The following SH3RF1 variants were observed in gnomAD, a reference collection of about 807,000 sequenced individuals.
SH3RF1 encodes the protein SH3 domain containing ring finger 1, also known as E3 ubiquitin-protein ligase SH3RF1.
SH3RF1 carries 32 observed loss-of-function variants against 74.0 expected under a neutral mutation model. The observed-to-expected ratio is 0.43, with a 90% CI of 0.33 to 0.58. SH3RF1 has a LOEUF of 0.58. SH3RF1 is among the 20% of genes least tolerant of loss of function. The pLI is 0.05. For missense variants in SH3RF1, 954 were observed against 1,130.9 expected, an observed-to-expected ratio of 0.84 and a Z score of 2.24; for synonymous variants, 396 against 439.6, an observed-to-expected ratio of 0.90 and a Z score of 1.24.
At chr4:169,101,394 T>G (rs552248192) in intron 11 of SH3RF1, among the ~76,000 whole-genome samples, 1 of 152,242 alleles carries the variant, frequency 6.6e-6, no homozygotes, top group Admixed American at 6.5e-5. Context: ...ATTCCACTTA[T>G]GAGATGCCCA....
intron 4 of SH3RF1, among the ~76,000 whole-genome samples, chr4:169,149,190 G>C (rs1733937917): frequency 6.6e-6 from 1 of 152,078 alleles, no homozygotes; most frequent in African/African-American, 2.4e-5. Flanking sequence ...TCTTAAATTA[G>C]AAAGAAGCCT....
chr4:169,247,198 G>C (rs1245703876), intron 2 of SH3RF1, among the ~76,000 whole-genome samples: 1 of 152,212 alleles, frequency 6.6e-6, no homozygotes, highest in Non-Finnish European at 1.5e-5. Flanking sequence ...AGAGGGTCAA[G>C]AAGAGGCAAA....
In SH3RF1 at chr4:169,198,290, C is replaced by T. The variant is rs115234773; in HGVS notation, c.394-41611G>A. Among the ~76,000 whole-genome samples, 1,013 of 152,280 alleles carry T rather than the reference C, an allele frequency of 6.7e-3. 8 individuals are homozygous for T. The highest frequency in any genetic ancestry group is 0.023 in the African/African-American group (970 of 41,564). The stretch of plus-strand genomic sequence containing the variant: ...TCTTAGCATACTGGCACAATGAATA[C>T]TTTTAACATCCCCAGTTATATTAAT... On this transcript the variant is annotated intron_variant, in intron 2 of 11. Coordinates refer to ENST00000284637, the MANE Select transcript of SH3RF1 (RefSeq NM_020870.4).
chr4:169,177,102 T>C (rs1156248235), intron 2 of SH3RF1, among the ~76,000 whole-genome samples: 2 of 152,230 alleles, frequency 1.3e-5, no homozygotes, highest in Non-Finnish European at 2.9e-5. Flanking sequence ...TTCAAAGCAC[T>C]GTTGGTTACT....
chr4:169,107,087 A>G lies in SH3RF1; in HGVS notation c.2258T>C (p.Leu753Pro). 1 of 1,613,978 alleles carries G rather than the reference A, an allele frequency of 6.2e-7. No individual in the cohort carries two copies. The highest frequency in any genetic ancestry group is 2.2e-5 in the East Asian group (1 of 44,882). Reference sequence around the variant, plus strand: ...CAGTTCGGGCCCCACCGCTCCCTGGAGAGGAAGCTCTGCACTGCCCAGCTC... The same window carrying G: ...CAGTTCGGGCCCCACCGCTCCCTGGGGAGGAAGCTCTGCACTGCCCAGCTC... ...EVELGSAELP[L>P]QGAVGPELPP... The change falls in exon 11 of 12, where the codon CTC (leucine) becomes CCC (proline). Residue 753 changes from leucine to proline, a missense_variant. Leu to Pro is a moderately conservative substitution (Grantham distance 98, BLOSUM62 -3). Coordinates refer to ENST00000284637, the MANE Select transcript of SH3RF1 (RefSeq NM_020870.4).
chr4:169,190,035 G>A (rs539077731), intron 2 of SH3RF1, among the ~76,000 whole-genome samples: 1 of 152,246 alleles, frequency 6.6e-6, no homozygotes, highest in South Asian at 2.1e-4. Flanking sequence ...AGTGACAATA[G>A]TGACACAAAC....
intron 2 of SH3RF1, among the ~76,000 whole-genome samples, chr4:169,173,581 T>A (rs1734366645): frequency 6.6e-6 from 1 of 152,188 alleles, no homozygotes; most frequent in Non-Finnish European, 1.5e-5. Context: ...AGTGTTTGTG[T>A]CTGAGGAGCT....
intron 4 of SH3RF1, among the ~76,000 whole-genome samples, chr4:169,142,686 A>G (rs1449533953): frequency 6.6e-6 from 1 of 152,262 alleles, no homozygotes; most frequent in African/African-American, 2.4e-5. Flanking sequence ...ATTCTACTGC[A>G]TCACTAAGTC....
At chr4:169,173,566 C>T (rs1734366460) in intron 2 of SH3RF1, among the ~76,000 whole-genome samples, 1 of 152,130 alleles carries the variant, frequency 6.6e-6, no homozygotes, top group African/African-American at 2.4e-5. Context: ...TATGATTTCA[C>T]CTTAAGTGTT....
intron 4 of SH3RF1, among the ~76,000 whole-genome samples, chr4:169,154,183 G>A (rs1174804764): frequency 6.6e-6 from 1 of 152,080 alleles, no homozygotes; most frequent in Admixed American, 6.6e-5. Context: ...TGAGTTAAGG[G>A]TTGTTTGGTT....
chr4:169,125,210 A>C (rs79448154), intron 6 of SH3RF1, among the ~76,000 whole-genome samples: 1 of 152,294 alleles, frequency 6.6e-6, no homozygotes, highest in African/African-American at 2.4e-5. Context: ...TCAAAAAAAA[A>C]CATAGATTCC....
At chr4:169,145,121 A>T (rs952359564) in intron 4 of SH3RF1, among the ~76,000 whole-genome samples, 3 of 152,216 alleles carry the variant, frequency 2.0e-5, no homozygotes, top group African/African-American at 7.2e-5. Context: ...TACTAAAAAG[A>T]AACCTGTACT....
At chr4:169,136,056 A>G (rs964202619) in intron 5 of SH3RF1, among the ~76,000 whole-genome samples, 4 of 152,186 alleles carry the variant, frequency 2.6e-5, no homozygotes, top group Non-Finnish European at 5.9e-5. Flanking sequence ...GAAACTGGTA[A>G]GTATTATATA....
intron 2 of SH3RF1, among the ~76,000 whole-genome samples, chr4:169,171,180 C>A (rs1405249171): frequency 1.3e-5 from 2 of 152,202 alleles, no homozygotes; most frequent in East Asian, 3.8e-4. Context: ...ATGAGGCAAA[C>A]ACCACGGTGT....
At chr4:169,172,671 C>T (rs993739810) in intron 2 of SH3RF1, among the ~76,000 whole-genome samples, 1 of 152,070 alleles carries the variant, frequency 6.6e-6, no homozygotes, top group South Asian at 2.1e-4. Flanking sequence ...TGAGGGATGC[C>T]TAGATGGTTG....
intron 2 of SH3RF1, among the ~76,000 whole-genome samples, chr4:169,237,476 A>G (rs1421513987): frequency 6.6e-6 from 1 of 152,124 alleles, no homozygotes; most frequent in Non-Finnish European, 1.5e-5. Flanking sequence ...CCCCATCTCT[A>G]TTTTTAATTT....
intron 2 of SH3RF1, among the ~76,000 whole-genome samples, chr4:169,249,009 C>G (rs1361005538): frequency 6.6e-6 from 1 of 152,130 alleles, no homozygotes; most frequent in East Asian, 1.9e-4. Context: ...GGGCAGATCA[C>G]GAGGTCAGGA....
chr4:169,189,734 T>G (rs1561048386), intron 2 of SH3RF1, among the ~76,000 whole-genome samples: 1 of 152,186 alleles, frequency 6.6e-6, no homozygotes. Flanking sequence ...TTGGGCAAGT[T>G]GCTCGAATCC....
intron 8 of SH3RF1, among the ~76,000 whole-genome samples, chr4:169,118,428 C>G (rs1733379021): frequency 6.6e-6 from 1 of 151,984 alleles, no homozygotes; most frequent in African/African-American, 2.4e-5. Flanking sequence ...ATGCTTTGGC[C>G]CTTGATTACA....
Sources: gnomAD v4.1 joint callset for allele counts (sites outside exome capture counted in the v4.1 genomes callset) on GRCh38, gnomAD v4.1.1 for gene constraint, MANE v1.5 for transcripts, NCBI Gene and HGNC (gene_info 2026-07-23, HGNC 2026-07-21) for gene names.